Variants in KLHL21 observed in about 807,000 individuals in gnomAD.
KLHL21 encodes the protein kelch like family member 21, also known as kelch-like protein 21.
In KLHL21, 42 loss-of-function variants were observed where a neutral mutation model predicts 44.1. The observed-to-expected ratio is 0.95, with a 90% CI of 0.74 to 1.23. The LOEUF is 1.23. Ranked by LOEUF, KLHL21 falls within the 50% of genes most tolerant of loss-of-function variation. KLHL21 has a pLI of 0.00. For missense variants in KLHL21, 918 were observed against 889.1 expected (o/e 1.03, Z -0.41); for synonymous variants, 524 against 411.6 (o/e 1.27, Z -3.31).
rs1452142713 is a variant in KLHL21 at position 6,593,663 on chromosome 1, G to A, written c.1501-5C>T. 2 of 1,563,740 alleles carry A rather than the reference G, an allele frequency of 1.3e-6. No homozygotes were observed. Among genetic ancestry groups the A allele is most frequent in the African/African-American group, 1.4e-5 (1 of 73,912 alleles). ...CAGGCTGCCCCCCACATGTACCTGT[G>A]GGCCAAAGGGATGAGTGAGTGGAGG... On this transcript the variant is annotated splice_polypyrimidine_tract_variant and splice_region_variant and intron_variant, in intron 3 of 3. Coordinates refer to ENST00000377658, the MANE Select transcript of KLHL21 (RefSeq NM_014851.4).
At chr1:6,597,530 C>T (rs534379011) in intron 2 of KLHL21, among the ~76,000 whole-genome samples, 45 of 152,348 alleles carry the variant, frequency 3.0e-4, no homozygotes, top group Admixed American at 2.7e-3. Context: ...GATTCCAGGG[C>T]TTTCTCAGAG....
chr1:6,597,414 T>TTA (rs1640942811), intron 2 of KLHL21, among the ~76,000 whole-genome samples: 1 of 152,162 alleles, frequency 6.6e-6, no homozygotes, highest in African/African-American at 2.4e-5. Context: ...TAAGTTGTAT[T>TTA]TATAGCCATC....
Position 6,593,160 on chromosome 1 carries a change from G to C in KLHL21, c.*205C>G, listed in dbSNP as rs939657277. The stretch of plus-strand genomic sequence containing the variant: ...GCAGGAAAGTGGCTCTTCCTCAACT[G>C]CAGGGAGGGCGTTCCCGACGGCCTC... On this transcript the variant is annotated 3_prime_UTR_variant, in exon 4 of 4. Transcript: ENST00000377658. 1.8e-6 allele frequency: 1 copy of C among 554,454 alleles called. No homozygotes were observed. The highest frequency in any genetic ancestry group is 3.2e-6 in the Non-Finnish European group (1 of 317,274). The allele number at this position is 554,454 out of a possible 1,614,324, so 34.3% of individuals were successfully genotyped here.
At chr1:6,601,659 G>A (rs1382479245) in intron 1 of KLHL21, 138 bp downstream of exon 1, 6 of 1,340,080 alleles carry the variant, frequency 4.5e-6, no homozygotes, top group African/African-American at 3.0e-5. Context: ...CCAGAGACAT[G>A]TAGTCACCAG....
chr1:6,597,407 G>A (rs1640942630), intron 2 of KLHL21, among the ~76,000 whole-genome samples: 1 of 152,150 alleles, frequency 6.6e-6, no homozygotes, highest in Non-Finnish European at 1.5e-5. Context: ...CCTCTGATAA[G>A]TTGTATTTAT....
At chr1:6,593,780 C>T in intron 3 of KLHL21, 122 bp from the exon 4 acceptor site, 1 of 1,403,898 alleles carries the variant, frequency 7.1e-7, no homozygotes, top group Non-Finnish European at 9.3e-7. Flanking sequence ...CCTTGGCTCT[C>T]CCAGAAAGCA....
rs1483077519 is a variant in KLHL21 at position 6,593,817 on chromosome 1, C to T, written c.1501-159G>A. The stretch of plus-strand genomic sequence containing the variant: ...CAGAGAGGCCAACCCCTTTCCAACA[C>T]CCTGCCTAGGAGAACGGGCCTCCCC... On this transcript the variant is annotated intron_variant, in intron 3 of 3. Coordinates refer to ENST00000377658, the MANE Select transcript of KLHL21 (RefSeq NM_014851.4). 7 of 1,370,790 alleles carry T rather than the reference C, an allele frequency of 5.1e-6. No individual in the cohort carries two copies. In the African/African-American group the frequency reaches 1.0e-4, roughly 20 times the overall value. 84.9% of individuals were successfully genotyped at this position (1,370,790 alleles called of 1,614,324 possible). A position where few individuals can be genotyped will look rare whatever the true frequency, so the allele number is the denominator to read the frequency against.
chr1:6,594,195 G>T, intron 3 of KLHL21: 1 of 542,698 alleles, frequency 1.8e-6, no homozygotes, highest in Non-Finnish European at 2.4e-6. Context: ...GTCACGGAGT[G>T]TAGGTTTGGA....
At position 6,601,894 on chromosome 1, in the gene KLHL21, G is replaced by A; in HGVS notation, c.924C>T (p.Asn308=). 2 of 1,568,034 alleles carry A rather than the reference G, an allele frequency of 1.3e-6. No homozygotes were observed. Among genetic ancestry groups the A allele is most frequent in the Non-Finnish European group, 1.7e-6 (2 of 1,157,336 alleles). ...CDELVTVDCY[N]PQTGQWRYLA... ...GGTAGCGCCACTGACCCGTCTGCGG[G>A]TTGTAGCAGTCGACAGTGACCAGCT... The change falls in exon 1 of 4, where the codon AAC becomes AAT. Residue 308 remains asparagine, a synonymous_variant. Coordinates refer to ENST00000377658, the MANE Select transcript of KLHL21 (RefSeq NM_014851.4).
intron 2 of KLHL21, among the ~76,000 whole-genome samples, chr1:6,598,837 T>C (rs1390100652): frequency 2.0e-5 from 3 of 152,298 alleles, no homozygotes; most frequent in African/African-American, 2.4e-5. Context: ...GAGCTGAGAT[T>C]GCGCCACAGC....
rs1404495417 is a variant in KLHL21 at position 6,592,204 on chromosome 1, A to C, written c.*1161T>G. 1 of 152,242 alleles carries C rather than the reference A, an allele frequency of 6.6e-6. No individual in the cohort carries two copies. The highest frequency in any genetic ancestry group is 1.5e-5 in the Non-Finnish European group (1 of 68,050). 9.4% of individuals were successfully genotyped at this position (152,242 alleles called of 1,614,324 possible). A position where few individuals can be genotyped will look rare whatever the true frequency, so the allele number is the denominator to read the frequency against. ...TCTTCCTGCTGAGAACATCTCTACG[A>C]GTTAGTTCACTAGAAAAGGCAATAA... On this transcript the variant is annotated 3_prime_UTR_variant, in exon 4 of 4. Transcript: ENST00000377658.
At chr1:6,601,657 A>G (rs1641021369) in intron 1 of KLHL21, 140 bp downstream of exon 1, 1 of 1,331,566 alleles carries the variant, frequency 7.5e-7, no homozygotes, top group South Asian at 1.6e-5. Context: ...GCCCAGAGAC[A>G]TGTAGTCACC....
chr1:6,602,804 G>A lies in KLHL21; in HGVS notation c.14C>T (p.Ala5Val), dbSNP rs1317860385. 1.4e-6 allele frequency: 2 copies of A among 1,458,534 alleles called. No individual in the cohort carries two copies. The highest frequency in any genetic ancestry group is 2.9e-5 in the East Asian group (1 of 34,470). 90.3% of individuals were successfully genotyped at this position (1,458,534 alleles called of 1,614,324 possible). Residue 5 changes from alanine to valine, a missense_variant, in exon 1 of 4, where the codon GCG becomes GTG. Transcript: ENST00000377658. MERP[A>V]PLAVLPFSDP... Reference sequence around the variant, plus strand: ...CGAGAAGGGAAGCACGGCCAGGGGCGCCGGTCGCTCCATGGCGCCTTCGAT... The same window carrying A: ...CGAGAAGGGAAGCACGGCCAGGGGCACCGGTCGCTCCATGGCGCCTTCGAT...
Position 6,601,560 on chromosome 1 carries a change from AG to A in KLHL21, c.1021+236del, listed in dbSNP as rs1419869608. Reference sequence around the variant, plus strand: ...GGGCACGGAGTTGGCTCAGCCTGGCAGCCCCGGCCGCACGGGGCACAGAGAC... The same window carrying A: ...GGGCACGGAGTTGGCTCAGCCTGGCACCCCGGCCGCACGGGGCACAGAGAC... On this transcript the variant is annotated intron_variant, in intron 1 of 3. Transcript: ENST00000377658. Among the ~76,000 whole-genome samples, 4 of 152,338 alleles carry A rather than the reference AG, an allele frequency of 2.6e-5. No homozygotes were observed. The East Asian group carries it at 7.7e-4, about 29-fold the overall frequency.
rs779072859 is a variant in KLHL21 at position 6,593,491 on chromosome 1, GAC to G, written c.1666_1667del (p.Val556GlnfsTer25). 1 of 1,613,844 alleles carries G rather than the reference GAC, an allele frequency of 6.2e-7. No homozygotes were observed. The highest frequency in any genetic ancestry group is 8.5e-7 in the Non-Finnish European group (1 of 1,180,022). On this transcript the variant is annotated frameshift_variant, in exon 4 of 4. Coordinates refer to ENST00000377658, the MANE Select transcript of KLHL21 (RefSeq NM_014851.4). LOFTEE classifies it low-confidence loss of function (END_TRUNC). Reference protein sequence around the residue: ...LPEPTFWHGSVSIFRQFMPQT... With the variant: ...LPEPTFWHGSXSIFRQFMPQT... ...GGGGCATGAACTGGCGGAAGATGCT[GAC>G]ACTGCCATGCCAGAAGGTGGGTTCT...
Position 6,602,315 on chromosome 1 carries a change from A to G in KLHL21, c.503T>C (p.Leu168Pro). The G allele has an allele frequency of 6.4e-7, 1 of 1,554,500 alleles. No individual in the cohort carries two copies. Among genetic ancestry groups the G allele is most frequent in the Non-Finnish European group, 8.6e-7 (1 of 1,156,854 alleles). ...QRFILRHVGE[L>P]GAEQLERLPL... ...CAGCCGCTCCAGCTGCTCGGCGCCC[A>G]GCTCGCCCACGTGGCGCAGAATGAA... is the stretch of plus-strand genomic sequence containing the variant. The change falls in exon 1 of 4, where the codon CTG becomes CCG. Residue 168 changes from leucine (L) to proline (P), a missense_variant. Physicochemically the swap from Leu to Pro is moderately conservative, Grantham distance 98. Coordinates refer to ENST00000377658, the MANE Select transcript of KLHL21 (RefSeq NM_014851.4).
rs1409640505 is a variant in KLHL21, at chr1:6,602,834, T to C, written c.-17A>G. ...TCGCTCCATGGCGCCTTCGATAGGT[T>C]GTCGAGGACGCCGCGGCCGGGGCCT... is the stretch of plus-strand genomic sequence containing the variant. On this transcript the variant is annotated 5_prime_UTR_variant, in exon 1 of 4. Transcript: ENST00000377658. 3.6e-6 allele frequency: 5 copies of C among 1,404,602 alleles called. No homozygotes were observed. The highest frequency in any genetic ancestry group is 3.1e-5 in the African/African-American group (2 of 65,332). The allele number at this position is 1,404,602 out of a possible 1,614,324, so 87.0% of individuals were successfully genotyped here. A position where few individuals can be genotyped will look rare whatever the true frequency, so the allele number is the denominator to read the frequency against.
intron 1 of KLHL21, among the ~76,000 whole-genome samples, chr1:6,601,341 G>C (rs769485973): frequency 2.0e-5 from 3 of 152,218 alleles, no homozygotes; most frequent in African/African-American, 7.2e-5. Flanking sequence ...CTTGTCACCG[G>C]GTGACAAAGA....
At chr1:6,595,336 T>C (rs1333301046) in intron 3 of KLHL21, 149 bp downstream of exon 3, 5 of 738,950 alleles carry the variant, frequency 6.8e-6, no homozygotes, top group African/African-American at 1.7e-5. Context: ...GAGCCTTAAG[T>C]GCAAAATAAG....
Sources: gnomAD v4.1 joint callset for allele counts (sites outside exome capture counted in the v4.1 genomes callset) on GRCh38, gnomAD v4.1.1 for gene constraint, MANE v1.5 for transcripts, NCBI Gene and HGNC (gene_info 2026-07-23, HGNC 2026-07-21) for gene names.